Variants in IL1RAPL2 observed in about 807,000 individuals in gnomAD.
IL1RAPL2 encodes interleukin 1 receptor accessory protein like 2.
IL1RAPL2 carries 3 observed loss-of-function variants against 44.1 expected under a neutral mutation model. The ratio of observed to expected loss-of-function variants is 0.07; its 90% CI spans 0.03 to 0.18. IL1RAPL2 has a LOEUF of 0.18. Ranked by LOEUF, IL1RAPL2 falls within the 10% of genes least tolerant of loss-of-function variation. The probability of loss-of-function intolerance (pLI) is 1.00; values close to 1 mark genes in which losing one functional copy is unlikely to be tolerated. For missense variants in IL1RAPL2, 391 were observed against 496.4 expected (o/e 0.79, Z 2.02); for synonymous variants, 181 against 178.8 (o/e 1.01, Z -0.10).
At chrX:104,707,864 C>A (rs148609280) in intron 2 of IL1RAPL2, among the ~76,000 whole-genome samples, 1,161 of 111,453 alleles carry the variant, frequency 0.01, 39 homozygotes, top group Admixed American at 0.077. Flanking sequence ...TGTTTCAAGG[C>A]TGTATTTTCT....
chrX:104,954,363 A>C (rs967431841), intron 2 of IL1RAPL2, among the ~76,000 whole-genome samples: 1 of 112,198 alleles, frequency 8.9e-6, no homozygotes, highest in East Asian at 2.8e-4. Context: ...AATTCAATTC[A>C]TTACAAGTTT....
chrX:105,283,293 A>G (rs1328180838), intron 5 of IL1RAPL2, among the ~76,000 whole-genome samples: 1 of 111,738 alleles, frequency 8.9e-6, no homozygotes, highest in African/African-American at 3.3e-5. Context: ...ATTGCAATAT[A>G]TCATTATAAG....
intron 1 of IL1RAPL2, chrX:104,647,303 TC>T: frequency 2.3e-6 from 1 of 437,110 alleles, no homozygotes. Flanking sequence ...GATCAGGCCG[TC>T]CCCTGCGGTG....
intron 5 of IL1RAPL2, among the ~76,000 whole-genome samples, chrX:105,402,084 G>T (rs1256597357): frequency 1.8e-5 from 2 of 110,572 alleles, no homozygotes; most frequent in Admixed American, 9.6e-5. Flanking sequence ...TTTCCTAAAG[G>T]TTTCATAGAG....
intron 1 of IL1RAPL2, among the ~76,000 whole-genome samples, chrX:104,629,262 A>G (rs1055861852): frequency 8.9e-6 from 1 of 111,787 alleles, no homozygotes; most frequent in East Asian, 2.8e-4. Flanking sequence ...TTTGATTTGC[A>G]TTTCCATGAT....
At chrX:105,659,589 A>G (rs898634683) in intron 6 of IL1RAPL2, among the ~76,000 whole-genome samples, 8 of 107,744 alleles carry the variant, frequency 7.4e-5, no homozygotes, top group African/African-American at 2.7e-4. Flanking sequence ...CCCGGGAGGC[A>G]GAGCTTGCAG....
intron 2 of IL1RAPL2, among the ~76,000 whole-genome samples, chrX:104,969,794 T>C (rs2030197825): frequency 8.9e-6 from 1 of 111,842 alleles, no homozygotes; most frequent in African/African-American, 3.2e-5. Context: ...ATTAGAGACA[T>C]CTAAGTTACA....
At chrX:104,768,024 T>C (rs1025703873) in intron 2 of IL1RAPL2, among the ~76,000 whole-genome samples, 6 of 112,106 alleles carry the variant, frequency 5.4e-5, no homozygotes, top group Admixed American at 9.5e-5. Context: ...TACATGTCAA[T>C]TAAACAATTT....
chrX:105,404,388 C>T (rs1033155248), intron 5 of IL1RAPL2, among the ~76,000 whole-genome samples: 1 of 111,882 alleles, frequency 8.9e-6, no homozygotes, highest in Admixed American at 9.5e-5. Context: ...TTTCCCAGCC[C>T]CTAGGTTACC....
intron 5 of IL1RAPL2, among the ~76,000 whole-genome samples, chrX:105,414,493 C>T (rs2035718822): frequency 8.9e-6 from 1 of 111,809 alleles, no homozygotes. Context: ...TCTTCAAACT[C>T]CTTAACTTGA....
At chrX:104,916,130 A>G (rs1186598818) in intron 2 of IL1RAPL2, among the ~76,000 whole-genome samples, 2 of 111,442 alleles carry the variant, frequency 1.8e-5, no homozygotes, top group African/African-American at 6.5e-5. Flanking sequence ...CTTGATGGGG[A>G]TGGCATTGAA....
chrX:105,319,996 GTA>G (rs1439026149), intron 5 of IL1RAPL2, among the ~76,000 whole-genome samples: 1 of 111,362 alleles, frequency 9.0e-6, no homozygotes, highest in Non-Finnish European at 1.9e-5. Context: ...GTGTGTGTGT[GTA>G]TATGTGTGTG....
chrX:105,696,844 T>C (rs1404191474), intron 6 of IL1RAPL2, among the ~76,000 whole-genome samples: 1 of 111,798 alleles, frequency 8.9e-6, no homozygotes. Context: ...TTTAGGTGGC[T>C]ATGTTAGTCC....
chrX:105,545,283 A>G (rs2036784377), intron 6 of IL1RAPL2, among the ~76,000 whole-genome samples: 1 of 112,135 alleles, frequency 8.9e-6, no homozygotes, highest in East Asian at 2.8e-4. Flanking sequence ...TAATCTGGGA[A>G]CATCCTTATT....
At chrX:104,990,719 C>A (rs925073025) in intron 2 of IL1RAPL2, among the ~76,000 whole-genome samples, 1 of 111,554 alleles carries the variant, frequency 9.0e-6, no homozygotes, top group African/African-American at 3.2e-5. Context: ...TATTATTATT[C>A]AATAAGGCAA....
chrX:105,077,082 C>G (rs750310286), intron 2 of IL1RAPL2, among the ~76,000 whole-genome samples: 2 of 111,283 alleles, frequency 1.8e-5, no homozygotes, highest in South Asian at 7.6e-4. Flanking sequence ...TTGATCCTGT[C>G]ATTATGATTT....
At chrX:104,596,415 G>C (rs1928765354) in intron 1 of IL1RAPL2, among the ~76,000 whole-genome samples, 1 of 111,588 alleles carries the variant, frequency 9.0e-6, no homozygotes, top group Non-Finnish European at 1.9e-5. Flanking sequence ...CAGATACCAG[G>C]CTTAGAATCC....
chrX:104,852,939 G>A (rs551480207), intron 2 of IL1RAPL2, among the ~76,000 whole-genome samples: 1 of 111,650 alleles, frequency 9.0e-6, no homozygotes, highest in South Asian at 3.8e-4. Context: ...AGAAAACCTG[G>A]ATGATGGGTG....
chrX:104,804,880 A>G (rs1164858990), intron 2 of IL1RAPL2, among the ~76,000 whole-genome samples: 1 of 112,397 alleles, frequency 8.9e-6, no homozygotes, highest in African/African-American at 3.2e-5. Context: ...GATCTGAAAA[A>G]TTAGGTAACA....
Sources: allele counts gnomAD v4.1 joint callset (sites outside exome capture counted in the v4.1 genomes callset), GRCh38; gene constraint gnomAD v4.1.1; transcripts MANE v1.5; gene names NCBI Gene and HGNC (gene_info 2026-07-23, HGNC 2026-07-21).